The following BABAM2 variants were observed in gnomAD, a reference collection of about 807,000 sequenced individuals.
BABAM2 encodes the protein BRISC and BRCA1 A complex member 2, also known as BRISC and BRCA1-A complex member 2.
Under a neutral mutation model 54.7 loss-of-function variants are expected in BABAM2, and 31 were observed. The observed-to-expected ratio is 0.57, with a 90% CI of 0.43 to 0.77. The LOEUF (loss-of-function observed/expected upper bound fraction) is 0.77, where lower values mean the gene tolerates loss of function less well. Ranked by LOEUF, BABAM2 falls within the 30% of genes least tolerant of loss-of-function variation. BABAM2 has a pLI of 0.00. For synonymous variants in BABAM2, 167 were observed against 162.9 expected, an observed-to-expected ratio of 1.03 and a Z score of -0.19; for missense variants, 364 against 455.8, an observed-to-expected ratio of 0.80 and a Z score of 1.83.
intron 11 of BABAM2, among the ~76,000 whole-genome samples, chr2:28,335,154 CTT>C (rs56135926): frequency 2.8e-5 from 2 of 71,518 alleles, no homozygotes; most frequent in South Asian, 5.9e-4. Context: ...CTCCCACCTT[CTT>C]TTTTTTTTTT....
In BABAM2 at chr2:28,338,543, A is replaced by G. The variant is rs534484829; in HGVS notation, c.*30A>G. 1.2e-6 allele frequency: 2 copies of G among 1,611,974 alleles called. No homozygotes were observed. Among genetic ancestry groups the G allele is most frequent in the African/African-American group, 2.7e-5 (2 of 75,004 alleles). ...CACCAGTCTTGAGAGGTGGCCAGCC[A>G]GACTGCCTGTCCACATGCGTGTCAG... On this transcript the variant is annotated 3_prime_UTR_variant, in exon 12 of 12. Coordinates refer to ENST00000379624, the MANE Select transcript of BABAM2 (RefSeq NM_199191.3).
intron 11 of BABAM2, 49 bp from the exon 12 acceptor site, chr2:28,338,401 A>C: frequency 6.6e-7 from 1 of 1,522,594 alleles, no homozygotes; most frequent in African/African-American, 1.4e-5. Flanking sequence ...CTTTGTTTCA[A>C]GTTGTTTGTG....
chr2:28,196,569 T>C (rs958245832), intron 7 of BABAM2, among the ~76,000 whole-genome samples: 4 of 151,422 alleles, frequency 2.6e-5, no homozygotes, highest in African/African-American at 9.7e-5. Context: ...AGGTCAGATA[T>C]GATGGCTCAA....
At chr2:28,028,190 T>C (rs1439773419) in intron 5 of BABAM2, among the ~76,000 whole-genome samples, 1 of 152,128 alleles carries the variant, frequency 6.6e-6, no homozygotes, top group Non-Finnish European at 1.5e-5. Context: ...GTGCTGGCTG[T>C]TGTCTGGAGG....
chr2:27,973,659 A>G (rs1339435353), intron 3 of BABAM2, among the ~76,000 whole-genome samples: 1 of 152,176 alleles, frequency 6.6e-6, no homozygotes, highest in African/African-American at 2.4e-5. Context: ...GGGAAATCAC[A>G]GAGAAGAGGG....
rs199637840 is a variant in BABAM2 at position 28,168,435 on chromosome 2, T to C, written c.680+39055T>C. 2.6e-5 allele frequency among the ~76,000 whole-genome samples: 4 copies of C among 152,276 alleles called. No homozygotes were observed. The East Asian group carries it at 5.8e-4, about 22-fold the overall frequency. On this transcript the variant is annotated intron_variant, in intron 7 of 11. Coordinates refer to ENST00000379624, the MANE Select transcript of BABAM2 (RefSeq NM_199191.3). ...TTCTTCTGGAGGTCTGTGTGTGACA[T>C]GGTGTGGCATCATAGGAGCTTGCCC...
intron 10 of BABAM2, among the ~76,000 whole-genome samples, chr2:28,250,515 A>G (rs981246686): frequency 1.3e-5 from 2 of 150,984 alleles, no homozygotes; most frequent in African/African-American, 4.9e-5. Context: ...ACATGTATAT[A>G]TGTTATAATA....
intron 7 of BABAM2, among the ~76,000 whole-genome samples, chr2:28,150,486 A>T (rs1671922871): frequency 1.3e-5 from 2 of 152,244 alleles, no homozygotes; most frequent in Admixed American, 1.3e-4. Context: ...TCCTCTAAAG[A>T]TCATGGAACT....
At chr2:28,146,748 C>G (rs1420382960) in intron 7 of BABAM2, among the ~76,000 whole-genome samples, 1 of 152,086 alleles carries the variant, frequency 6.6e-6, no homozygotes, top group African/African-American at 2.4e-5. Flanking sequence ...TTTTCAGCCC[C>G]CTAGCAAATC....
chr2:27,969,136 CA>C (rs1452363652), intron 3 of BABAM2, among the ~76,000 whole-genome samples: 10 of 152,164 alleles, frequency 6.6e-5, no homozygotes, highest in Non-Finnish European at 1.5e-4. Flanking sequence ...TTTCCCTGCA[CA>C]AGCTCTCTGT....
intron 5 of BABAM2, among the ~76,000 whole-genome samples, chr2:28,038,625 C>G (rs1676840491): frequency 6.6e-6 from 1 of 152,118 alleles, no homozygotes; most frequent in African/African-American, 2.4e-5. Context: ...TAAGTGAGAA[C>G]ATGTGGTATA....
chr2:28,298,272 T>A, intron 10 of BABAM2, 66 bp from the exon 11 acceptor site: 1 of 1,507,558 alleles, frequency 6.6e-7, no homozygotes, highest in Non-Finnish European at 9.0e-7. Context: ...TCGGATTTAG[T>A]CAAAAAAAAA....
chr2:28,285,480 A>G (rs887199979), intron 10 of BABAM2, among the ~76,000 whole-genome samples: 2 of 152,228 alleles, frequency 1.3e-5, no homozygotes, highest in Admixed American at 1.3e-4. Context: ...CTGCTTGGAA[A>G]GGATAATGTA....
At chr2:27,963,719 A>G (rs1670644896) in intron 3 of BABAM2, among the ~76,000 whole-genome samples, 1 of 152,128 alleles carries the variant, frequency 6.6e-6, no homozygotes, top group South Asian at 2.1e-4. Flanking sequence ...TTCATATGTT[A>G]TTATACCAAA....
chr2:27,904,444 T>C (rs1457357691), intron 2 of BABAM2, among the ~76,000 whole-genome samples: 1 of 152,230 alleles, frequency 6.6e-6, no homozygotes, highest in Non-Finnish European at 1.5e-5. Flanking sequence ...ATAATCAATC[T>C]GGCAGTCCTC....
intron 2 of BABAM2, among the ~76,000 whole-genome samples, chr2:27,897,452 C>T (rs1665424246): frequency 6.6e-6 from 1 of 151,962 alleles, no homozygotes. Flanking sequence ...AGCCATTTTG[C>T]TAGTGTTAGG....
chr2:28,226,263 G>A (rs1346466428), intron 7 of BABAM2, among the ~76,000 whole-genome samples: 1 of 152,086 alleles, frequency 6.6e-6, no homozygotes, highest in Admixed American at 6.5e-5. Flanking sequence ...GCCTTTTACT[G>A]AAAAAGTTTG....
At chr2:28,210,439 G>A (rs1380919659) in intron 7 of BABAM2, among the ~76,000 whole-genome samples, 1 of 152,186 alleles carries the variant, frequency 6.6e-6, no homozygotes, top group Non-Finnish European at 1.5e-5. Flanking sequence ...AAAGGCTAGG[G>A]TGTAGAGTTT....
At chr2:28,257,327 T>C (rs1041428580) in intron 10 of BABAM2, among the ~76,000 whole-genome samples, 1 of 152,190 alleles carries the variant, frequency 6.6e-6, no homozygotes, top group Non-Finnish European at 1.5e-5. Flanking sequence ...TGTTAAAAAG[T>C]GTCCTTGTAA....
Sources: allele counts gnomAD v4.1 joint callset (sites outside exome capture counted in the v4.1 genomes callset), GRCh38; gene constraint gnomAD v4.1.1; transcripts MANE v1.5; gene names NCBI Gene and HGNC (gene_info 2026-07-23, HGNC 2026-07-21).